The following ERGIC2 variants were observed in gnomAD, a reference collection of about 807,000 sequenced individuals.
ERGIC2 encodes the protein endoplasmic reticulum-Golgi intermediate compartment protein 2.
A neutral mutation model predicts 52.5 loss-of-function variants in ERGIC2; 31 were observed. That is an observed-to-expected ratio of 0.59 (90% CI 0.44 to 0.80). ERGIC2 has a LOEUF of 0.80. Ranked by LOEUF, ERGIC2 falls within the 30% of genes least tolerant of loss-of-function variation. The pLI is 0.00. For missense variants in ERGIC2, 395 were observed against 455.2 expected (o/e 0.87, Z 1.20); for synonymous variants, 129 against 140.6 (o/e 0.92, Z 0.58).
Position 29,341,735 on chromosome 12 carries a change from G to A in ERGIC2, c.1070C>T (p.Ser357Phe). Residue 357 changes from serine to phenylalanine, a missense_variant and splice_region_variant, in exon 13 of 14, where the codon TCT (serine) becomes TTT (phenylalanine). By Grantham distance (155) the Ser-to-Phe change is radical. Coordinates refer to ENST00000360150, the MANE Select transcript of ERGIC2 (RefSeq NM_016570.3). ...CACCATGTATACTACACCACTTACA[G>A]AATTGACAGGTTTATAGGATCCAAG... is the stretch of plus-strand genomic sequence containing the variant. ...FRLGSYKPVN[S>F]VPFEDGHTDN... is the part of the protein sequence containing the mutation. The A allele has an allele frequency of 6.5e-7, 1 of 1,538,914 alleles. No individual in the cohort carries two copies. Among genetic ancestry groups the A allele is most frequent in the Non-Finnish European group, 9.0e-7 (1 of 1,112,708 alleles).
chr12:29,371,842 G>C (rs1022820818), intron 1 of ERGIC2, among the ~76,000 whole-genome samples, 172 bp from the exon 2 acceptor site: 1 of 151,864 alleles, frequency 6.6e-6, no homozygotes, highest in African/African-American at 2.4e-5. Context: ...TTCATGCCCT[G>C]ACAAAAACTA....
At chr12:29,380,221 T>C (rs765064186) in intron 1 of ERGIC2, among the ~76,000 whole-genome samples, 2 of 152,228 alleles carry the variant, frequency 1.3e-5, no homozygotes, top group Non-Finnish European at 2.9e-5. Flanking sequence ...CCATGTCTTT[T>C]TTCAGTGAAC....
chr12:29,362,030 AC>A (rs1288936901), intron 5 of ERGIC2, among the ~76,000 whole-genome samples: 1 of 152,196 alleles, frequency 6.6e-6, no homozygotes, highest in Non-Finnish European at 1.5e-5. Flanking sequence ...GTATTAGGGT[AC>A]AAAAATACAG....
chr12:29,360,848 T>C (rs1357902989), intron 6 of ERGIC2, among the ~76,000 whole-genome samples: 1 of 151,830 alleles, frequency 6.6e-6, no homozygotes, highest in African/African-American at 2.4e-5. Context: ...TGGGCCACAC[T>C]GTAAGAAGAA....
At chr12:29,350,166 T>C in intron 8 of ERGIC2, 98 bp from the exon 9 acceptor site, 2 of 720,280 alleles carry the variant, frequency 2.8e-6, no homozygotes, top group Non-Finnish European at 4.7e-6. Context: ...TAATTTTTCT[T>C]AGTACAAAAT....
rs1565533534 is a variant in ERGIC2 at position 29,339,197 on chromosome 12, T to C, written c.*1959A>G. ...TTAAAGAAATTCCTTTCATAGGAGA[T>C]AAATTTCATTAAAATTTTAATATGG... On this transcript the variant is annotated 3_prime_UTR_variant, in exon 14 of 14. Coordinates refer to ENST00000360150, the MANE Select transcript of ERGIC2 (RefSeq NM_016570.3). 1 of 152,196 alleles carries C rather than the reference T, an allele frequency of 6.6e-6. No individual in the cohort carries two copies. Among genetic ancestry groups the C allele is most frequent in the Non-Finnish European group, 1.5e-5 (1 of 68,026 alleles). The allele number at this position is 152,196 out of a possible 1,614,324, so 9.4% of individuals were successfully genotyped here.
In ERGIC2 at chr12:29,343,112, T is replaced by A. The variant is rs1454999568; in HGVS notation, c.988+8A>T. 6.3e-7 allele frequency: 1 copy of A among 1,581,374 alleles called. No individual in the cohort carries two copies. Among genetic ancestry groups the A allele is most frequent in the Admixed American group, 1.8e-5 (1 of 56,010 alleles). On this transcript the variant is annotated splice_region_variant and intron_variant, in intron 12 of 13. Transcript: ENST00000360150. ...CAGAAATTAGACAAAAAGGAAATGG[T>A]TGTTAACCTGTTGTTGAAAAGATTC...
At chr12:29,379,457 A>G (rs1050700335) in intron 1 of ERGIC2, among the ~76,000 whole-genome samples, 2 of 152,192 alleles carry the variant, frequency 1.3e-5, no homozygotes, top group African/African-American at 4.8e-5. Context: ...AACCACACCA[A>G]TCAGAGTGTT....
chr12:29,364,139 A>AT (rs1247306855), intron 5 of ERGIC2, among the ~76,000 whole-genome samples: 1 of 152,130 alleles, frequency 6.6e-6, no homozygotes, highest in Admixed American at 6.5e-5. Context: ...TGTGAAAGGG[A>AT]TTTTCCCAGT....
rs1940288941 is a variant in ERGIC2, at chr12:29,361,679, A to ATAC, written c.337_339dup (p.Val113dup). On this transcript the variant is annotated inframe_insertion, in exon 6 of 14. Transcript: ENST00000360150. ...TCTTTCTGCTGTGGTGAAAGATCAA[A>ATAC]TACTGTCTGAAATGAAAGAAAACAT... The ATAC allele has an allele frequency of 1.2e-6, 2 of 1,603,300 alleles. No individual in the cohort carries two copies. The highest frequency in any genetic ancestry group is 1.7e-6 in the Non-Finnish European group (2 of 1,174,750).
intron 7 of ERGIC2, 130 bp from the exon 8 acceptor site, chr12:29,356,607 A>C (rs1940209392): frequency 2.0e-6 from 1 of 509,148 alleles, no homozygotes; most frequent in African/African-American, 2.0e-5. Flanking sequence ...TTAAAAATAG[A>C]ATAGTTTCCT....
At position 29,339,256 on chromosome 12, in the gene ERGIC2, A is replaced by G. The variant is rs1007002645; in HGVS notation, c.*1900T>C. On this transcript the variant is annotated 3_prime_UTR_variant, in exon 14 of 14. Coordinates refer to ENST00000360150, the MANE Select transcript of ERGIC2 (RefSeq NM_016570.3). Reference sequence around the variant, plus strand: ...AAATACGAAAACAATTAAAAATCATATATAAGTATCAAAATAATTTTTAAA... The same window carrying G: ...AAATACGAAAACAATTAAAAATCATGTATAAGTATCAAAATAATTTTTAAA... 3.3e-5 allele frequency: 5 copies of G among 152,202 alleles called. No homozygotes were observed. Among genetic ancestry groups the G allele is most frequent in the African/African-American group, 1.2e-4 (5 of 41,450 alleles). The allele number at this position is 152,202 out of a possible 1,614,324, so 9.4% of individuals were successfully genotyped here.
chr12:29,343,096 G>A, intron 12 of ERGIC2, 24 bp downstream of exon 12: 13 of 1,542,294 alleles, frequency 8.4e-6, no homozygotes, highest in South Asian at 1.2e-5. Context: ...TCAGAAATTA[G>A]ACAAAAAGGA....
At chr12:29,342,442 C>T (rs1256540180) in intron 12 of ERGIC2, among the ~76,000 whole-genome samples, 3 of 152,226 alleles carry the variant, frequency 2.0e-5, no homozygotes, top group Non-Finnish European at 1.5e-5. Flanking sequence ...GCTATTCATT[C>T]ATTTAAAAAT....
intron 13 of ERGIC2, among the ~76,000 whole-genome samples, 183 bp downstream of exon 13, chr12:29,341,551 T>C (rs1395348466): frequency 6.6e-6 from 1 of 151,952 alleles, no homozygotes; most frequent in Non-Finnish European, 1.5e-5. Flanking sequence ...TTTCTATCTT[T>C]TGTAGAAATG....
At chr12:29,364,571 G>GC (rs1239332814) in intron 5 of ERGIC2, among the ~76,000 whole-genome samples, 5 of 152,012 alleles carry the variant, frequency 3.3e-5, no homozygotes, top group Non-Finnish European at 5.9e-5. Flanking sequence ...GTCCCCACAA[G>GC]CAATTGCAAC....
At chr12:29,368,684 T>C (rs2136876198) in intron 3 of ERGIC2, among the ~76,000 whole-genome samples, 1 of 152,048 alleles carries the variant, frequency 6.6e-6, no homozygotes, top group South Asian at 2.1e-4. Context: ...TCAAACACCA[T>C]ATATTAAGCA....
At chr12:29,361,718 G>A (rs1266563755) in intron 5 of ERGIC2, 33 bp from the exon 6 acceptor site, 2 of 1,559,680 alleles carry the variant, frequency 1.3e-6, no homozygotes, top group African/African-American at 1.4e-5. Context: ...CACTAGCATT[G>A]TCAAATTCTC....
intron 2 of ERGIC2, among the ~76,000 whole-genome samples, chr12:29,370,912 T>G (rs901104851): frequency 6.6e-6 from 1 of 152,158 alleles, no homozygotes; most frequent in Non-Finnish European, 1.5e-5. Context: ...GAACTTGCAC[T>G]ATTTTCATTA....
Sources: gnomAD v4.1 joint callset for allele counts (sites outside exome capture counted in the v4.1 genomes callset) on GRCh38, gnomAD v4.1.1 for gene constraint, MANE v1.5 for transcripts, NCBI Gene and HGNC (gene_info 2026-07-23, HGNC 2026-07-21) for gene names.